CMTM4: variants seen among roughly 807,000 people sequenced by gnomAD.
The protein encoded by CMTM4 is CKLF like MARVEL transmembrane domain containing 4.
Under a neutral mutation model 19.0 loss-of-function variants are expected in CMTM4, and 8 were observed. The ratio of observed to expected loss-of-function variants is 0.42; its 90% CI spans 0.25 to 0.76. CMTM4 has a LOEUF of 0.76. Ranked by LOEUF, CMTM4 falls within the 30% of genes least tolerant of loss-of-function variation. The probability of loss-of-function intolerance (pLI) is 0.27; values close to 1 mark genes in which losing one functional copy is unlikely to be tolerated. For synonymous variants in CMTM4, 106 were observed against 121.1 expected (o/e 0.88, Z 0.82); for missense variants, 228 against 290.2 (o/e 0.79, Z 1.56).
rs1004474238 is a variant in CMTM4, at chr16:66,618,739, A to G, written c.*3319T>C. 5.1e-6 allele frequency: 5 copies of G among 985,380 alleles called. No homozygotes were observed. The African/African-American group carries it at 8.7e-5, about 17-fold the overall frequency. 61.0% of individuals were successfully genotyped at this position (985,380 alleles called of 1,614,324 possible). A position where few individuals can be genotyped will look rare whatever the true frequency, so the allele number is the denominator to read the frequency against. ...AACCACAGATGTAACTGCAAACTTG[A>G]AGAGAGTCAGAATGTTTTCAACTGA... On this transcript the variant is annotated 3_prime_UTR_variant, in exon 4 of 4. Coordinates refer to ENST00000394106, the MANE Select transcript of CMTM4 (RefSeq NM_181521.3).
chr16:66,686,111 G>C (rs1302514223), intron 1 of CMTM4, among the ~76,000 whole-genome samples: 1 of 151,772 alleles, frequency 6.6e-6, no homozygotes, highest in Admixed American at 6.6e-5. Context: ...AAGTTAGCTG[G>C]GCGTGGTGGC....
At chr16:66,667,046 C>T (rs2016607386) in intron 1 of CMTM4, among the ~76,000 whole-genome samples, 1 of 152,164 alleles carries the variant, frequency 6.6e-6, no homozygotes, top group Admixed American at 6.5e-5. Context: ...AAGTTGGGGC[C>T]GGGCACAGCG....
At chr16:66,681,936 C>CACCCTCCTTAATCT (rs2016923442) in intron 1 of CMTM4, among the ~76,000 whole-genome samples, 1 of 152,186 alleles carries the variant, frequency 6.6e-6, no homozygotes, top group Non-Finnish European at 1.5e-5. Context: ...CAGGCATTGG[C>CACCCTCCTTAATCT]CATTCAGCAT....
rs2015542742 is a variant in CMTM4, at chr16:66,617,256, G to T, written c.*4802C>A. 1 of 1,611,170 alleles carries T rather than the reference G, an allele frequency of 6.2e-7. No individual in the cohort carries two copies. The highest frequency in any genetic ancestry group is 1.3e-5 in the African/African-American group (1 of 74,944). On this transcript the variant is annotated 3_prime_UTR_variant, in exon 4 of 4. Transcript: ENST00000394106. The stretch of plus-strand genomic sequence containing the variant: ...CCTATGAAATAGATACACAGTTCAA[G>T]GACCCATCATCTGAACTTTTCTAGG...
rs1442888032 is a variant in CMTM4, at chr16:66,618,057, C to G, written c.*4001G>C. 1 of 985,398 alleles carries G rather than the reference C, an allele frequency of 1.0e-6. No homozygotes were observed. 61.0% of individuals were successfully genotyped at this position (985,398 alleles called of 1,614,324 possible). ...GCCGTGTGTGGACCTCACCAGCCTA[C>G]CAAGCTGTTGGGCCTGGACGTGGGT... On this transcript the variant is annotated 3_prime_UTR_variant, in exon 4 of 4. Transcript: ENST00000394106.
chr16:66,678,458 A>G (rs369842303), intron 1 of CMTM4, among the ~76,000 whole-genome samples: 1 of 152,230 alleles, frequency 6.6e-6, no homozygotes, highest in South Asian at 2.1e-4. Context: ...AATACCAAGT[A>G]TCTTTGATGG....
At chr16:66,664,759 C>T (rs1244622474) in intron 1 of CMTM4, among the ~76,000 whole-genome samples, 1 of 151,384 alleles carries the variant, frequency 6.6e-6, no homozygotes, top group Non-Finnish European at 1.5e-5. Context: ...AAAGGGAAAA[C>T]AGGAACAAAA....
intron 2 of CMTM4, among the ~76,000 whole-genome samples, chr16:66,624,266 G>A (rs1004977070): frequency 6.6e-6 from 1 of 152,182 alleles, no homozygotes; most frequent in African/African-American, 2.4e-5. Context: ...CAGCTACAGT[G>A]GCCTACATAT....
At chr16:66,671,183 A>G (rs752650882) in intron 1 of CMTM4, among the ~76,000 whole-genome samples, 1 of 152,202 alleles carries the variant, frequency 6.6e-6, no homozygotes, top group Non-Finnish European at 1.5e-5. Context: ...CTCATACAGT[A>G]CCAGATTCCC....
intron 1 of CMTM4, among the ~76,000 whole-genome samples, chr16:66,670,199 C>T (rs2016677022): frequency 6.6e-6 from 1 of 151,622 alleles, no homozygotes; most frequent in Non-Finnish European, 1.5e-5. Flanking sequence ...GTAATCCCAG[C>T]ACTCTGGGAT....
rs1379713399 is a variant in CMTM4, at chr16:66,616,721, G to A, written c.*5337C>T. 1 of 152,302 alleles carries A rather than the reference G, an allele frequency of 6.6e-6. No homozygotes were observed. Among genetic ancestry groups the A allele is most frequent in the Admixed American group, 6.5e-5 (1 of 15,292 alleles). 9.4% of individuals were successfully genotyped at this position (152,302 alleles called of 1,614,324 possible). A position where few individuals can be genotyped will look rare whatever the true frequency, so the allele number is the denominator to read the frequency against. ...GCAGGCAAGCAAAGCAGGGCCTGTG[G>A]GGGGAAGCAGCGTGAGTCAGGCCTC... On this transcript the variant is annotated 3_prime_UTR_variant, in exon 4 of 4. Transcript: ENST00000394106.
chr16:66,607,316 T>C, the CMTM4 span, among the ~76,000 whole-genome samples: 2 of 152,230 alleles, frequency 1.3e-5, no homozygotes, highest in African/African-American at 2.4e-5. Context: ...TTGATTCTTG[T>C]AGTTCAAGTA....
intron 1 of CMTM4, among the ~76,000 whole-genome samples, chr16:66,689,846 T>C (rs1304658161): frequency 6.6e-6 from 1 of 152,244 alleles, no homozygotes; most frequent in Non-Finnish European, 1.5e-5. Flanking sequence ...ATTTTCTATA[T>C]GGTATTTTGT....
intron 1 of CMTM4, among the ~76,000 whole-genome samples, chr16:66,680,286 C>A (rs968592496): frequency 2.6e-5 from 4 of 151,874 alleles, no homozygotes; most frequent in African/African-American, 9.7e-5. Context: ...CCAGACCAGC[C>A]TCACCAACAT....
the CMTM4 span, chr16:66,609,428 T>C: frequency 3.7e-6 from 6 of 1,611,252 alleles, no homozygotes; most frequent in South Asian, 1.1e-5. This position sits in a 1 kb window ranked among gnomAD's most constrained non-coding sequence, Gnocchi z 4.4. Context: ...TGCCCCTCTC[T>C]CCCCAGGACT....
At chr16:66,663,809 G>A (rs2016543736) in intron 1 of CMTM4, among the ~76,000 whole-genome samples, 1 of 151,872 alleles carries the variant, frequency 6.6e-6, no homozygotes, top group South Asian at 2.1e-4. Context: ...CCAAAGTGCT[G>A]GGATCACAGG....
intron 1 of CMTM4, among the ~76,000 whole-genome samples, chr16:66,686,330 G>A (rs1207813851): frequency 1.3e-5 from 2 of 151,346 alleles, no homozygotes; most frequent in Non-Finnish European, 2.9e-5. Context: ...GGGAGGCCAA[G>A]ATGAGCACAT....
chr16:66,616,858 T>G lies in CMTM4; in HGVS notation c.*5200A>C. On this transcript the variant is annotated 3_prime_UTR_variant, in exon 4 of 4. Coordinates refer to ENST00000394106, the MANE Select transcript of CMTM4 (RefSeq NM_181521.3). ...GACTTTCCTGATAAAAATGGGATAC[T>G]TCCTACTGGGTGTCAGCACTGTCAT... 6.4e-6 allele frequency: 1 copy of G among 156,928 alleles called. No homozygotes were observed. Among genetic ancestry groups the G allele is most frequent in the Middle Eastern group, 3.2e-3 (1 of 310 alleles). 9.7% of individuals were successfully genotyped at this position (156,928 alleles called of 1,614,324 possible).
At chr16:66,646,414 T>C (rs2016200049) in intron 1 of CMTM4, among the ~76,000 whole-genome samples, 1 of 152,144 alleles carries the variant, frequency 6.6e-6, no homozygotes, top group South Asian at 2.1e-4. Flanking sequence ...ATGTACACAT[T>C]GTATATAACT....
Sources: gnomAD v4.1 joint callset for allele counts (sites outside exome capture counted in the v4.1 genomes callset) on GRCh38, gnomAD v4.1.1 for gene constraint, Gnocchi (gnomAD v3.1) non-coding constraint, MANE v1.5 for transcripts, NCBI Gene and HGNC (gene_info 2026-07-23, HGNC 2026-07-21) for gene names.